Variants in CARMIL1 observed in about 807,000 individuals in gnomAD.
CARMIL1 encodes F-actin-uncapping protein LRRC16A.
A neutral mutation model predicts 177.1 loss-of-function variants in CARMIL1; 90 were observed. That is an observed-to-expected ratio of 0.51 (90% CI 0.43 to 0.61). CARMIL1 has a LOEUF of 0.61. CARMIL1 is among the 20% of genes least tolerant of loss of function. The probability of loss-of-function intolerance (pLI) is 0.00; values close to 1 mark genes in which losing one functional copy is unlikely to be tolerated. For synonymous variants in CARMIL1, 577 were observed against 606.2 expected, an observed-to-expected ratio of 0.95 and a Z score of 0.71; for missense variants, 1,380 against 1,667.0, an observed-to-expected ratio of 0.83 and a Z score of 3.00.
chr6:25,283,823 C>T (rs1781324657), intron 1 of CARMIL1, among the ~76,000 whole-genome samples: 1 of 152,136 alleles, frequency 6.6e-6, no homozygotes, highest in African/African-American at 2.4e-5. Flanking sequence ...AAGCAATTCT[C>T]GTGCTTCAGC....
Position 25,441,337 on chromosome 6 carries a change from A to ATATG in CARMIL1, c.371+5734_371+5735insATGT. On this transcript the variant is annotated intron_variant, in intron 5 of 36. Coordinates refer to ENST00000329474, the MANE Select transcript of CARMIL1 (RefSeq NM_017640.6). ...CAAACAAACATATATATATATATAT[A>ATATG]TGTGTGTGTGTGTGTGTGTGTGTGT... 6.6e-3 allele frequency among the ~76,000 whole-genome samples: 624 copies of ATATG among 94,530 alleles called. 12 individuals carry two copies. The highest frequency in any genetic ancestry group is 0.023 in the African/African-American group (520 of 22,866). 62.0% of individuals were successfully genotyped at this position (94,530 alleles called of 152,430 possible). A position where few individuals can be genotyped will look rare whatever the true frequency, so the allele number is the denominator to read the frequency against.
chr6:25,351,860 G>A (rs1171258006), intron 2 of CARMIL1, among the ~76,000 whole-genome samples: 2 of 149,976 alleles, frequency 1.3e-5, no homozygotes, highest in African/African-American at 4.9e-5. Context: ...CTGACAATAT[G>A]AAAAAAAAAA....
intron 31 of CARMIL1, among the ~76,000 whole-genome samples, chr6:25,590,900 A>G (rs1215607585): frequency 1.3e-5 from 2 of 152,078 alleles, no homozygotes; most frequent in African/African-American, 4.8e-5. Flanking sequence ...CTAAGAGTCA[A>G]CTGTTTTATC....
chr6:25,363,170 G>A (rs996041366), intron 2 of CARMIL1, among the ~76,000 whole-genome samples: 1 of 151,846 alleles, frequency 6.6e-6, no homozygotes, highest in South Asian at 2.1e-4. Flanking sequence ...CAGGATGCCA[G>A]TAGGTATTAA....
intron 31 of CARMIL1, among the ~76,000 whole-genome samples, chr6:25,584,669 A>T (rs1432014056): frequency 6.6e-6 from 1 of 152,088 alleles, no homozygotes; most frequent in Non-Finnish European, 1.5e-5. Context: ...TCTAATGGTA[A>T]TAAACTGGGG....
rs772887383 is a variant in CARMIL1 at position 25,290,834 on chromosome 6, G to A, written c.138+5925G>A. Among the ~76,000 whole-genome samples the A allele has an allele frequency of 2.0e-5, 3 of 152,134 alleles. No homozygotes were observed. The South Asian group carries it at 6.2e-4, about 32-fold the overall frequency. On this transcript the variant is annotated intron_variant, in intron 2 of 36. Transcript: ENST00000329474. ...AGGGTCTCACTGTGTTGCACAAGCT[G>A]GAGTGCAGTGGCACTATCACAATCA... is the stretch of plus-strand genomic sequence containing the variant.
chr6:25,562,044 T>A (rs1811168878), intron 29 of CARMIL1, among the ~76,000 whole-genome samples: 1 of 152,124 alleles, frequency 6.6e-6, no homozygotes, highest in South Asian at 2.1e-4. Context: ...TTATTACTAT[T>A]ATTTCTTTCC....
Position 25,459,266 on chromosome 6 carries a change from CTT to C in CARMIL1, c.615-6594_615-6593del, listed in dbSNP as rs769702901. Among the ~76,000 whole-genome samples the C allele has an allele frequency of 3.4e-3, 253 of 73,628 alleles. 1 individual carries two copies. Among genetic ancestry groups the C allele is most frequent in the Middle Eastern group, 0.012 (2 of 162 alleles). The allele number at this position is 73,628 out of a possible 152,430, so 48.3% of individuals were successfully genotyped here. ...TCTTTCTTTCTTTCTTTCTTTCTTT[CTT>C]TTTTTTTTTTTTAAGACAGGGTCTT... On this transcript the variant is annotated intron_variant, in intron 8 of 36. Coordinates refer to ENST00000329474, the MANE Select transcript of CARMIL1 (RefSeq NM_017640.6).
intron 2 of CARMIL1, among the ~76,000 whole-genome samples, chr6:25,312,013 G>A (rs551465137): frequency 2.0e-5 from 3 of 152,220 alleles, no homozygotes; most frequent in Non-Finnish European, 2.9e-5. Context: ...GGGAGGCAAC[G>A]ATTACAACAA....
chr6:25,398,483 A>C (rs1489216364), intron 2 of CARMIL1, among the ~76,000 whole-genome samples: 1 of 152,210 alleles, frequency 6.6e-6, no homozygotes, highest in Admixed American at 6.5e-5. Context: ...TTACGGTGAT[A>C]AATCAATGTG....
intron 8 of CARMIL1, among the ~76,000 whole-genome samples, chr6:25,464,026 T>G (rs888061027): frequency 2.6e-5 from 4 of 151,768 alleles, no homozygotes; most frequent in South Asian, 4.2e-4. Context: ...GTTTCACCGT[T>G]TTAGCCAGGA....
At chr6:25,535,717 G>T (rs1156409995) in intron 24 of CARMIL1, among the ~76,000 whole-genome samples, 1 of 152,176 alleles carries the variant, frequency 6.6e-6, no homozygotes, top group African/African-American at 2.4e-5. Flanking sequence ...ATGTACTTGA[G>T]AGACGAATTA....
At position 25,602,695 on chromosome 6, in the gene CARMIL1, C is replaced by T. The variant is rs557606696; in HGVS notation, c.3552+1949C>T. Among the ~76,000 whole-genome samples the T allele has an allele frequency of 2.0e-5, 3 of 152,188 alleles. No individual in the cohort carries two copies. In the East Asian group the frequency reaches 5.8e-4, roughly 29 times the overall value. ...AGTTTTTCAAAAATTAGCTTTAGAA[C>T]ATTTTTTTTCTAAAGTACCATGACT... On this transcript the variant is annotated intron_variant, in intron 33 of 36. Coordinates refer to ENST00000329474, the MANE Select transcript of CARMIL1 (RefSeq NM_017640.6).
intron 25 of CARMIL1, 140 bp from the exon 26 acceptor site, chr6:25,539,807 T>C (rs1808710952): frequency 5.4e-6 from 3 of 560,702 alleles, no homozygotes; most frequent in Non-Finnish European, 8.5e-6. Context: ...GACCTCAGTT[T>C]ATTAATCTGT....
At chr6:25,477,793 A>G (rs1022311738) in intron 11 of CARMIL1, among the ~76,000 whole-genome samples, 1 of 145,700 alleles carries the variant, frequency 6.9e-6, no homozygotes, top group African/African-American at 2.5e-5. Flanking sequence ...TGTCCCAATT[A>G]CCTTAGTTTT....
chr6:25,387,038 G>A (rs1309311479), intron 2 of CARMIL1, among the ~76,000 whole-genome samples: 1 of 147,468 alleles, frequency 6.8e-6, no homozygotes, highest in Non-Finnish European at 1.5e-5. Flanking sequence ...CCTGAGGCGG[G>A]AGAATCGTTT....
chr6:25,392,038 ATGTGTGTGTATATGCATGTGTGTG>A (rs1245183027), intron 2 of CARMIL1, among the ~76,000 whole-genome samples: 2,933 of 106,826 alleles, frequency 0.027, 74 homozygotes, highest in African/African-American at 0.083. Flanking sequence ...GTGTGTATGC[ATGTGTGTGTATATGCATGTGTGTG>A]TGTGTGTGTG....
chr6:25,426,474 T>C (rs1796288521), intron 3 of CARMIL1, 27 bp from the exon 4 acceptor site: 1 of 1,599,888 alleles, frequency 6.3e-7, no homozygotes, highest in Non-Finnish European at 8.6e-7. Context: ...GCAGGTCTTT[T>C]CTTTCCTCCT....
rs1410061118 is a variant in CARMIL1, at chr6:25,620,011, AGT to A, written c.*431_*432del. On this transcript the variant is annotated 3_prime_UTR_variant, in exon 37 of 37. Coordinates refer to ENST00000329474, the MANE Select transcript of CARMIL1 (RefSeq NM_017640.6). The stretch of plus-strand genomic sequence containing the variant: ...CACAGCAGACCTCGGAGTACTGCTA[AGT>A]GTACCTGTGTCAAATCCGCACAGGA... The A allele has an allele frequency of 1.3e-5, 2 of 154,516 alleles. No homozygotes were observed. The highest frequency in any genetic ancestry group is 4.8e-5 in the African/African-American group (2 of 41,476). 9.6% of individuals were successfully genotyped at this position (154,516 alleles called of 1,614,324 possible). A position where few individuals can be genotyped will look rare whatever the true frequency, so the allele number is the denominator to read the frequency against.
Sources: allele counts gnomAD v4.1 joint callset (sites outside exome capture counted in the v4.1 genomes callset), GRCh38; gene constraint gnomAD v4.1.1; transcripts MANE v1.5; gene names NCBI Gene and HGNC (gene_info 2026-07-23, HGNC 2026-07-21).